HECW1: variants seen among roughly 807,000 people sequenced by gnomAD.
The protein encoded by HECW1 is HECT, C2 and WW domain containing E3 ubiquitin protein ligase 1, also known as E3 ubiquitin-protein ligase HECW1.
In HECW1, 61 loss-of-function variants were observed where a neutral mutation model predicts 182.3. That is an observed-to-expected ratio of 0.33 (90% CI 0.27 to 0.41). HECW1 has a LOEUF of 0.41. Ranked by LOEUF, HECW1 falls within the 10% of genes least tolerant of loss-of-function variation. The pLI is 1.00. For synonymous variants in HECW1, 859 were observed against 832.6 expected, an observed-to-expected ratio of 1.03 and a Z score of -0.55; for missense variants, 1,739 against 2,108.9, an observed-to-expected ratio of 0.82 and a Z score of 3.44.
In HECW1 at chr7:43,112,774, T is replaced by C. The variant is rs574816722; in HGVS notation, c.-430T>C. 1,308 of 230,100 alleles carry C rather than the reference T, an allele frequency of 5.7e-3. 13 individuals are homozygous for C. Among genetic ancestry groups the C allele is most frequent in the African/African-American group, 0.027 (1,224 of 45,172 alleles). The allele number at this position is 230,100 out of a possible 1,614,324, so 14.3% of individuals were successfully genotyped here. On this transcript the variant is annotated 5_prime_UTR_variant, in exon 1 of 30. Transcript: ENST00000395891. ...GACAGTGGCCGTGGCCTCCGCTCTCTCGGGGCACCCGGCAGCCAGAGCGCA... is the reference window on the plus strand; with the variant it reads ...GACAGTGGCCGTGGCCTCCGCTCTCCCGGGGCACCCGGCAGCCAGAGCGCA...
intron 3 of HECW1, among the ~76,000 whole-genome samples, chr7:43,250,191 C>T (rs1584177544): frequency 1.3e-5 from 2 of 151,854 alleles, no homozygotes; most frequent in East Asian, 3.9e-4. Context: ...GATTTGGTAG[C>T]ATTGTATTTG....
intron 8 of HECW1, among the ~76,000 whole-genome samples, chr7:43,426,636 G>T (rs544626307): frequency 6.6e-6 from 1 of 152,110 alleles, no homozygotes; most frequent in Non-Finnish European, 1.5e-5. Flanking sequence ...CTTAGAAAAT[G>T]ATTTGGGTAG....
intron 2 of HECW1, among the ~76,000 whole-genome samples, chr7:43,135,693 G>T (rs1414289669): frequency 6.6e-6 from 1 of 152,082 alleles, no homozygotes. Flanking sequence ...TATTCTTAAA[G>T]AGGTTTTTAT....
chr7:43,547,549 G>GA (rs35408234), intron 26 of HECW1, among the ~76,000 whole-genome samples: 164 of 138,352 alleles, frequency 1.2e-3, no homozygotes, highest in Middle Eastern at 3.8e-3. Context: ...CTGGCTCAAA[G>GA]AAAAAAAAAA....
chr7:43,348,233 T>C (rs912145116), intron 5 of HECW1, among the ~76,000 whole-genome samples: 4 of 152,224 alleles, frequency 2.6e-5, no homozygotes, highest in Non-Finnish European at 5.9e-5. Context: ...CTTCTTGATT[T>C]AAGCTAAGAG....
At chr7:43,171,393 C>G (rs1791673881) in intron 2 of HECW1, among the ~76,000 whole-genome samples, 1 of 152,120 alleles carries the variant, frequency 6.6e-6, no homozygotes, top group African/African-American at 2.4e-5. Flanking sequence ...CATAAGTCTG[C>G]TATTTCTTTA....
chr7:43,469,016 C>T lies in HECW1; in HGVS notation c.3010C>T (p.Arg1004Trp), dbSNP rs113884072. Residue 1004 changes from arginine to tryptophan, a missense_variant, in exon 16 of 30, where the codon CGG becomes TGG. Physicochemically the swap from Arg to Trp is moderately radical, Grantham distance 101 (BLOSUM62 -3). Coordinates refer to ENST00000395891, the MANE Select transcript of HECW1 (RefSeq NM_015052.5). ...CAATTTTGAACGCTACCAGCACAAC[C>T]GGGACTTGGTGAATTTCATCAACAT... ...ARNFERYQHN[R>W]DLVNFINMFA... 1.2e-5 allele frequency: 20 copies of T among 1,614,046 alleles called. No homozygotes were observed. The highest frequency in any genetic ancestry group is 6.7e-5 in the Admixed American group (4 of 60,000).
rs7782684 is a variant in HECW1 at position 43,300,884 on chromosome 7, C to T, written c.28-10879C>T. ...ATGTGAGAGCTGCACACTGTCCCTG[C>T]ACCCGCCCAGGAGCCGCCCCTGCTA... On this transcript the variant is annotated intron_variant, in intron 3 of 29. Coordinates refer to ENST00000395891, the MANE Select transcript of HECW1 (RefSeq NM_015052.5). 4.6e-3 allele frequency among the ~76,000 whole-genome samples: 695 copies of T among 152,280 alleles called. 3 individuals are homozygous for T. The highest frequency in any genetic ancestry group is 0.016 in the African/African-American group (666 of 41,556).
At chr7:43,372,457 G>A (rs929264820) in intron 6 of HECW1, among the ~76,000 whole-genome samples, 1 of 151,860 alleles carries the variant, frequency 6.6e-6, no homozygotes, top group East Asian at 1.9e-4. Flanking sequence ...CCATGTTGGT[G>A]TGCTGCACCC....
chr7:43,187,980 C>T (rs1793564911), intron 2 of HECW1, among the ~76,000 whole-genome samples: 1 of 152,182 alleles, frequency 6.6e-6, no homozygotes. Flanking sequence ...GTGAAGACCC[C>T]ACTGCTGCCT....
chr7:43,112,847 G>A lies in HECW1; in HGVS notation c.-357G>A, dbSNP rs770843891. The A allele has an allele frequency of 1.3e-5, 3 of 226,792 alleles. No individual in the cohort carries two copies. Among genetic ancestry groups the A allele is most frequent in the Admixed American group, 5.7e-5 (1 of 17,544 alleles). 14.0% of individuals were successfully genotyped at this position (226,792 alleles called of 1,614,324 possible). On this transcript the variant is annotated 5_prime_UTR_variant, in exon 1 of 30. Coordinates refer to ENST00000395891, the MANE Select transcript of HECW1 (RefSeq NM_015052.5). ...GTCCCCTCCCCAGCCAGTCCCAGGC[G>A]CCCGGTGCACTATGCGGGGCACGTG...
chr7:43,309,487 T>G (rs1446243689), intron 3 of HECW1, among the ~76,000 whole-genome samples: 2 of 152,180 alleles, frequency 1.3e-5, no homozygotes, highest in African/African-American at 2.4e-5. Context: ...TTCTCTAGTT[T>G]CCAGGGGATT....
In HECW1 at chr7:43,500,883, T is replaced by A. The variant is rs2304324; in HGVS notation, c.3521+101T>A. On this transcript the variant is annotated intron_variant, in intron 20 of 29. Coordinates refer to ENST00000395891, the MANE Select transcript of HECW1 (RefSeq NM_015052.5). ...TGGCCTAGACTGAAAAACTCACCGC[T>A]TGTTCTAGAGGATTCTAGTAACTGC... 1.2e-4 allele frequency: 118 copies of A among 985,334 alleles called. No homozygotes were observed. In the East Asian group the frequency reaches 2.5e-3, roughly 21 times the overall value. 61.0% of individuals were successfully genotyped at this position (985,334 alleles called of 1,614,324 possible).
Position 43,311,935 on chromosome 7 carries a change from C to T in HECW1, c.200C>T (p.Thr67Ile), listed in dbSNP as rs201089900. The stretch of plus-strand genomic sequence containing the variant: ...GATGGCGTCACCATTCCCCGCTCCA[C>T]CAGCGACACTGACCTGGTCACCTCG... ...PHDGVTIPRSTSDTDLVTSDS... is the reference protein window; with the variant it reads ...PHDGVTIPRSISDTDLVTSDS... Residue 67 changes from threonine (T) to isoleucine (I), a missense_variant, in exon 4 of 30, where the codon ACC becomes ATC. Physicochemically the swap from Thr to Ile is moderately conservative, Grantham distance 89. Transcript: ENST00000395891. 9.3e-6 allele frequency: 15 copies of T among 1,614,110 alleles called. No individual in the cohort carries two copies. The highest frequency in any genetic ancestry group is 1.2e-5 in the Non-Finnish European group (14 of 1,180,056).
At chr7:43,334,678 GTTTTATTGTCATTAGAA>G (rs1811910355) in intron 5 of HECW1, among the ~76,000 whole-genome samples, 1 of 152,174 alleles carries the variant, frequency 6.6e-6, no homozygotes, top group East Asian at 1.9e-4. Flanking sequence ...AGTCATCCTT[GTTTTATTGTCATTAGAA>G]TGAATGTCAG....
At chr7:43,238,861 C>T (rs889196443) in intron 2 of HECW1, among the ~76,000 whole-genome samples, 1 of 152,022 alleles carries the variant, frequency 6.6e-6, no homozygotes, top group African/African-American at 2.4e-5. Flanking sequence ...CATTGTAAGT[C>T]ATTGCTGACA....
chr7:43,411,097 T>A (rs2075789445), intron 8 of HECW1, among the ~76,000 whole-genome samples: 1 of 151,738 alleles, frequency 6.6e-6, no homozygotes, highest in Non-Finnish European at 1.5e-5. Context: ...GCTTTTAGAC[T>A]TACATTTATT....
chr7:43,445,466 G>T lies in HECW1; in HGVS notation c.2294G>T (p.Gly765Val), dbSNP rs750777807. Reference sequence around the variant, plus strand: ...GAGCTGGACCCGGAGTCCACGAACGGCGCTGGGCCGTGGCAAGACGAGCTG... The same window carrying T: ...GAGCTGGACCCGGAGTCCACGAACGTCGCTGGGCCGTGGCAAGACGAGCTG... The part of the protein sequence containing the change: ...SPELDPESTN[G>V]AGPWQDELAA... Residue 765 changes from glycine to valine, a missense_variant, in exon 11 of 30, where the codon GGC (glycine) becomes GTC (valine). Physicochemically the swap from Gly to Val is moderately radical, Grantham distance 109. Around this residue, in one of 5 missense-constraint regions of HECW1, gnomAD observed 971 missense variants for 1,029.1 expected, o/e 0.94. Coordinates refer to ENST00000395891, the MANE Select transcript of HECW1 (RefSeq NM_015052.5). The T allele has an allele frequency of 6.2e-7, 1 of 1,612,652 alleles. No homozygotes were observed. Among genetic ancestry groups the T allele is most frequent in the South Asian group, 1.1e-5 (1 of 91,082 alleles).
chr7:43,424,516 G>A lies in HECW1; in HGVS notation c.802-13487G>A, dbSNP rs181981619. Among the ~76,000 whole-genome samples, 9 of 152,174 alleles carry A rather than the reference G, an allele frequency of 5.9e-5. No homozygotes were observed. In the East Asian group the frequency reaches 1.7e-3, roughly 29 times the overall value. On this transcript the variant is annotated intron_variant, in intron 8 of 29. Coordinates refer to ENST00000395891, the MANE Select transcript of HECW1 (RefSeq NM_015052.5). ...TGTGTGCCTGTAGTTCCAGGTACTC[G>A]GGAAGCTGAGGTGGGAAAATGGCTT...
Sources: gnomAD v4.1 joint callset for allele counts (sites outside exome capture counted in the v4.1 genomes callset) on GRCh38, gnomAD v4.1.1 for gene constraint, gnomAD v4.1.1 regional missense constraint, MANE v1.5 for transcripts, NCBI Gene and HGNC (gene_info 2026-07-23, HGNC 2026-07-21) for gene names.